ZNRF1: variants seen among roughly 807,000 people sequenced by gnomAD.
ZNRF1 encodes the protein zinc and ring finger 1, also known as E3 ubiquitin-protein ligase ZNRF1.
A neutral mutation model predicts 18.4 loss-of-function variants in ZNRF1; 3 were observed. The ratio of observed to expected loss-of-function variants is 0.16; its 90% confidence interval spans 0.07 to 0.42. The LOEUF is 0.42. Among genes scored for constraint, ZNRF1 ranks in the 10% least tolerant of loss-of-function variants. The pLI is 0.99. For missense variants in ZNRF1, 310 were observed against 329.8 expected (o/e 0.94, Z 0.47); for synonymous variants, 157 against 144.2 (o/e 1.09, Z -0.64).
intron 1 of ZNRF1, among the ~76,000 whole-genome samples, chr16:75,077,468 G>C (rs2035954415): frequency 6.6e-6 from 1 of 152,216 alleles, no homozygotes; most frequent in African/African-American, 2.4e-5. Context: ...GGAGACAGAG[G>C]TTGCGGTGAG....
intron 1 of ZNRF1, among the ~76,000 whole-genome samples, chr16:75,086,217 T>A (rs2036072308): frequency 6.6e-6 from 1 of 152,170 alleles, no homozygotes; most frequent in Non-Finnish European, 1.5e-5. Flanking sequence ...AAAATAATGT[T>A]GAGCCAAATA....
chr16:75,107,647 C>T, intron 4 of ZNRF1, 86 bp from the exon 5 acceptor site: 1 of 454,084 alleles, frequency 2.2e-6, no homozygotes, highest in South Asian at 1.6e-5. Context: ...CCAGCCCCGC[C>T]TGCCCTCTTG....
intron 1 of ZNRF1, among the ~76,000 whole-genome samples, chr16:75,085,610 C>G (rs1374199052): frequency 6.6e-6 from 1 of 152,180 alleles, no homozygotes; most frequent in Admixed American, 6.5e-5. Context: ...ACTACCAGAC[C>G]TTTCCCCAAA....
At chr16:75,034,125 C>G (rs997302765) in intron 1 of ZNRF1, among the ~76,000 whole-genome samples, 4 of 152,126 alleles carry the variant, frequency 2.6e-5, no homozygotes, top group African/African-American at 9.7e-5. Context: ...GCCACTGCAC[C>G]CCAGCCTCGC....
At chr16:75,010,711 G>GTGTTTTTTTTTTTTTT (rs1367958306) in intron 1 of ZNRF1, among the ~76,000 whole-genome samples, 1 of 74,326 alleles carries the variant, frequency 1.3e-5, no homozygotes, top group African/African-American at 3.9e-5. Flanking sequence ...GTTTTTTTTT[G>GTGTTTTTTTTTTTTTT]TTTTTTTGTT....
chr16:75,074,546 A>G (rs1705253561), intron 1 of ZNRF1, among the ~76,000 whole-genome samples: 1 of 152,216 alleles, frequency 6.6e-6, no homozygotes, highest in Non-Finnish European at 1.5e-5. Flanking sequence ...AGATGACCAT[A>G]TAATTTATCA....
intron 1 of ZNRF1, among the ~76,000 whole-genome samples, chr16:75,074,388 A>C (rs946043728): frequency 6.6e-6 from 1 of 152,210 alleles, no homozygotes; most frequent in African/African-American, 2.4e-5. Context: ...GAGAGGGCAC[A>C]GTGCTGCATA....
At chr16:75,044,420 T>A (rs1257833701) in intron 1 of ZNRF1, among the ~76,000 whole-genome samples, 1 of 152,094 alleles carries the variant, frequency 6.6e-6, no homozygotes, top group African/African-American at 2.4e-5. Context: ...AGAGACTGGC[T>A]TTTGCCATGT....
At chr16:75,045,470 G>T (rs1458295942) in intron 1 of ZNRF1, among the ~76,000 whole-genome samples, 1 of 152,210 alleles carries the variant, frequency 6.6e-6, no homozygotes, top group African/African-American at 2.4e-5. Context: ...AATTGTGCTG[G>T]GTGCAATATT....
At chr16:75,047,996 G>A (rs2035538262) in intron 1 of ZNRF1, among the ~76,000 whole-genome samples, 1 of 151,432 alleles carries the variant, frequency 6.6e-6, no homozygotes, top group Non-Finnish European at 1.5e-5. Flanking sequence ...TTGTTGCCTA[G>A]GTTAGCATGC....
intron 1 of ZNRF1, among the ~76,000 whole-genome samples, chr16:75,073,962 G>T (rs150117688): frequency 5.1e-4 from 77 of 152,162 alleles, no homozygotes; most frequent in African/African-American, 1.8e-3. Flanking sequence ...AGGAAGGTAG[G>T]TTGCTTAAAA....
At chr16:75,061,710 A>G (rs1477620773) in intron 1 of ZNRF1, among the ~76,000 whole-genome samples, 1 of 152,224 alleles carries the variant, frequency 6.6e-6, no homozygotes, top group Non-Finnish European at 1.5e-5. Context: ...AAAGTTACCT[A>G]GGGAAGAAGA....
At chr16:75,084,672 C>T (rs533746491) in intron 1 of ZNRF1, 2 of 152,220 alleles carry the variant, frequency 1.3e-5, no homozygotes, top group East Asian at 1.9e-4. Context: ...AGAGTGTGCC[C>T]CCAGCTGTCA....
At chr16:75,072,247 C>G (rs1450696306) in intron 1 of ZNRF1, among the ~76,000 whole-genome samples, 1 of 152,140 alleles carries the variant, frequency 6.6e-6, no homozygotes, top group Non-Finnish European at 1.5e-5. Flanking sequence ...GCTGGGATTA[C>G]AGGTATGAGC....
chr16:75,100,074 G>C (rs1259631888), intron 2 of ZNRF1, among the ~76,000 whole-genome samples: 1 of 152,168 alleles, frequency 6.6e-6, no homozygotes, highest in East Asian at 1.9e-4. Context: ...CATGCTGTCT[G>C]AGTCAAAGAC....
At chr16:75,020,391 T>A in intron 1 of ZNRF1, among the ~76,000 whole-genome samples, 1 of 152,178 alleles carries the variant, frequency 6.6e-6, no homozygotes, top group East Asian at 1.9e-4. Context: ...TTAAAAGTAT[T>A]ATGATAGCAA....
intron 1 of ZNRF1, among the ~76,000 whole-genome samples, chr16:75,011,417 G>A (rs1689272107): frequency 6.6e-6 from 1 of 151,876 alleles, no homozygotes; most frequent in Non-Finnish European, 1.5e-5. Context: ...CTTTTTTTCA[G>A]AGACAAGGTC....
chr16:75,097,975 C>T (rs1356402846), intron 2 of ZNRF1, among the ~76,000 whole-genome samples: 1 of 152,252 alleles, frequency 6.6e-6, no homozygotes, highest in Non-Finnish European at 1.5e-5. Context: ...CCTACCCTTT[C>T]CCTGCCTGGG....
At chr16:75,104,641 C>T in intron 2 of ZNRF1, 143 bp from the exon 3 acceptor site, 6 of 626,432 alleles carry the variant, frequency 9.6e-6, no homozygotes, top group South Asian at 2.0e-5. Flanking sequence ...GTCAACGTCC[C>T]TCTTGGGGTT....
Sources: allele counts gnomAD v4.1 joint callset (sites outside exome capture counted in the v4.1 genomes callset), GRCh38; gene constraint gnomAD v4.1.1; transcripts MANE v1.5; gene names NCBI Gene and HGNC (gene_info 2026-07-23, HGNC 2026-07-21).